The following MACROD2 variants were observed in gnomAD, a reference collection of about 807,000 sequenced individuals.
The protein encoded by MACROD2 is ADP-ribose glycohydrolase MACROD2.
MACROD2 carries 36 observed loss-of-function variants against 70.4 expected under a neutral mutation model. The ratio of observed to expected loss-of-function variants is 0.51; its 90% CI spans 0.39 to 0.68. MACROD2 has a LOEUF of 0.68. Among genes scored for constraint, MACROD2 ranks in the 30% least tolerant of loss-of-function variants. The pLI is 0.00. For synonymous variants in MACROD2, 172 were observed against 178.8 expected (o/e 0.96, Z 0.30); for missense variants, 496 against 538.4 (o/e 0.92, Z 0.78).
At position 14,788,457 on chromosome 20, in the gene MACROD2, G is replaced by A. The variant is rs1415201509; in HGVS notation, c.418+103498G>A. ...AAATATTAGCCAGGTGTGATGGTGT[G>A]CACCTGTATTCCCAGCTACTCCGGA... On this transcript the variant is annotated intron_variant, in intron 5 of 17. Transcript: ENST00000684519. Among the ~76,000 whole-genome samples the A allele has an allele frequency of 2.0e-5, 3 of 151,454 alleles. 1 individual carries two copies. The highest frequency in any genetic ancestry group is 7.3e-5 in the African/African-American group (3 of 41,080).
intron 7 of MACROD2, among the ~76,000 whole-genome samples, chr20:15,440,005 G>GCCCTATTT (rs1267426676): frequency 3.3e-5 from 5 of 152,108 alleles, no homozygotes; most frequent in Non-Finnish European, 5.9e-5. Context: ...TGCCCTTTGA[G>GCCCTATTT]CCCTATTTTG....
chr20:14,913,516 G>A lies in MACROD2; in HGVS notation c.418+228557G>A, dbSNP rs548075181. Among the ~76,000 whole-genome samples the A allele has an allele frequency of 1.3e-3, 181 of 140,436 alleles. 2 individuals carry two copies. Among genetic ancestry groups the A allele is most frequent in the African/African-American group, 5.5e-3 (168 of 30,592 alleles). The allele number at this position is 140,436 out of a possible 152,430, so 92.1% of individuals were successfully genotyped here. On this transcript the variant is annotated intron_variant, in intron 5 of 17. Coordinates refer to ENST00000684519, the MANE Select transcript of MACROD2 (RefSeq NM_001351661.2). ...AGCCTGGGCAACATAGCAAGACTCC[G>A]TCTCAACAAAAAATTAAAAAATTAG...
At chr20:16,018,192 G>C (rs1245373245) in intron 15 of MACROD2, among the ~76,000 whole-genome samples, 1 of 152,168 alleles carries the variant, frequency 6.6e-6, no homozygotes, top group Non-Finnish European at 1.5e-5. Context: ...GCAGAGCAAA[G>C]GTGTAGAGAA....
chr20:14,195,116 TATCTATTA>T (rs2081418837), intron 3 of MACROD2, among the ~76,000 whole-genome samples: 1 of 152,192 alleles, frequency 6.6e-6, no homozygotes, highest in Admixed American at 6.5e-5. Flanking sequence ...AAGAAGAATT[TATCTATTA>T]ATAGGAAATA....
chr20:14,682,301 A>T (rs2123589562), intron 4 of MACROD2, among the ~76,000 whole-genome samples: 1 of 152,186 alleles, frequency 6.6e-6, no homozygotes, highest in Admixed American at 6.5e-5. Flanking sequence ...AAATTTTCAT[A>T]TATAGAGAAA....
chr20:15,176,858 G>C (rs191096644), intron 5 of MACROD2, among the ~76,000 whole-genome samples: 1 of 152,204 alleles, frequency 6.6e-6, no homozygotes, highest in African/African-American at 2.4e-5. Context: ...CCTAGCCAGA[G>C]CTGTGACACC....
intron 7 of MACROD2, among the ~76,000 whole-genome samples, chr20:15,442,055 T>A (rs2046501338): frequency 6.6e-6 from 1 of 152,142 alleles, no homozygotes; most frequent in East Asian, 1.9e-4. Flanking sequence ...TCCTTGCTTG[T>A]TTTTCTCATC....
intron 8 of MACROD2, among the ~76,000 whole-genome samples, chr20:15,572,037 T>C (rs1010161829): frequency 9.9e-5 from 15 of 152,178 alleles, no homozygotes; most frequent in African/African-American, 3.6e-4. Flanking sequence ...TTGAGAAATG[T>C]GTTCTTCACA....
At chr20:15,484,469 G>T (rs1230720360) in intron 7 of MACROD2, among the ~76,000 whole-genome samples, 1 of 152,080 alleles carries the variant, frequency 6.6e-6, no homozygotes, top group Non-Finnish European at 1.5e-5. Context: ...CTGGAATTAG[G>T]CATTTCCTTT....
At chr20:15,693,864 C>A (rs2050329431) in intron 8 of MACROD2, among the ~76,000 whole-genome samples, 1 of 136,544 alleles carries the variant, frequency 7.3e-6, no homozygotes. Flanking sequence ...TCCCTTGCCC[C>A]CCTCTCTCTC....
At chr20:15,452,798 A>G (rs2146396638) in intron 7 of MACROD2, among the ~76,000 whole-genome samples, 1 of 152,250 alleles carries the variant, frequency 6.6e-6, no homozygotes, top group South Asian at 2.1e-4. Context: ...ACTGAATAGC[A>G]TCAGTTTCTC....
intron 5 of MACROD2, among the ~76,000 whole-genome samples, chr20:14,719,330 A>G (rs1022663713): frequency 3.3e-4 from 50 of 152,098 alleles, no homozygotes; most frequent in Non-Finnish European, 6.5e-4. Context: ...GTCCACCTGT[A>G]AGACTCATTT....
At chr20:14,704,192 A>T (rs1478562706) in intron 5 of MACROD2, among the ~76,000 whole-genome samples, 3 of 152,138 alleles carry the variant, frequency 2.0e-5, no homozygotes, top group African/African-American at 7.2e-5. Context: ...TATGATATTA[A>T]TACCTCTCCT....
chr20:15,059,615 A>G lies in MACROD2; in HGVS notation c.419-170325A>G, dbSNP rs1257109343. 3.3e-5 allele frequency among the ~76,000 whole-genome samples: 5 copies of G among 152,152 alleles called. No homozygotes were observed. In the East Asian group the frequency reaches 9.6e-4, roughly 29 times the overall value. ...AGGACTAGTTTATCCCTTCTTTTCA[A>G]TTCCATCAGGCCTGTTCTGAGCCAA... is the stretch of plus-strand genomic sequence containing the variant. On this transcript the variant is annotated intron_variant, in intron 5 of 17. Coordinates refer to ENST00000684519, the MANE Select transcript of MACROD2 (RefSeq NM_001351661.2).
chr20:14,833,602 G>A (rs2122242807), intron 5 of MACROD2, among the ~76,000 whole-genome samples: 1 of 152,094 alleles, frequency 6.6e-6, no homozygotes, highest in South Asian at 2.1e-4. Flanking sequence ...AACTTTTAAT[G>A]TTTTCTAAAT....
chr20:16,020,604 A>T (rs1320083870), intron 15 of MACROD2, among the ~76,000 whole-genome samples: 1 of 150,114 alleles, frequency 6.7e-6, no homozygotes, highest in African/African-American at 2.5e-5. Flanking sequence ...GGCCTACTAG[A>T]TGTTTAGTGG....
At chr20:14,179,374 T>C (rs1017352038) in intron 3 of MACROD2, among the ~76,000 whole-genome samples, 1 of 152,210 alleles carries the variant, frequency 6.6e-6, no homozygotes. Context: ...TCTTTTTACA[T>C]GGTAGGTCAT....
intron 2 of MACROD2, among the ~76,000 whole-genome samples, chr20:14,072,906 C>A (rs1239322049): frequency 1.3e-5 from 2 of 150,048 alleles, no homozygotes; most frequent in Non-Finnish European, 3.0e-5. Context: ...TGCACTCCAG[C>A]CTGGGCGACA....
chr20:15,135,297 T>C (rs2076138064), intron 5 of MACROD2, among the ~76,000 whole-genome samples: 1 of 151,506 alleles, frequency 6.6e-6, no homozygotes, highest in Admixed American at 6.6e-5. Flanking sequence ...TTGATGAACA[T>C]TGATGCAAAA....
Sources: allele counts gnomAD v4.1 joint callset (sites outside exome capture counted in the v4.1 genomes callset), GRCh38; gene constraint gnomAD v4.1.1; transcripts MANE v1.5; gene names NCBI Gene and HGNC (gene_info 2026-07-23, HGNC 2026-07-21).